The following USP18 variants were observed in gnomAD, a reference collection of about 807,000 sequenced individuals.
USP18 encodes ubiquitin specific peptidase 18, also known as ubl carboxyl-terminal hydrolase 18.
Under a neutral mutation model 48.7 loss-of-function variants are expected in USP18, and 11 were observed. The observed-to-expected ratio is 0.23, with a 90% CI of 0.14 to 0.37. The LOEUF is 0.37. USP18 is among the 10% of genes least tolerant of loss of function. The probability of loss-of-function intolerance (pLI) is 1.00; values close to 1 mark genes in which losing one functional copy is unlikely to be tolerated. For synonymous variants in USP18, 114 were observed against 163.2 expected, an observed-to-expected ratio of 0.70 and a Z score of 2.30; for missense variants, 285 against 436.4, an observed-to-expected ratio of 0.65 and a Z score of 3.09.
At chr22:18,161,162 C>A (rs1486300186) in intron 3 of USP18, among the ~76,000 whole-genome samples, 7 of 151,562 alleles carry the variant, frequency 4.6e-5, no homozygotes, top group Non-Finnish European at 1.0e-4. Flanking sequence ...AGAGTTGGGA[C>A]TAGACCAAAG....
intron 3 of USP18, among the ~76,000 whole-genome samples, chr22:18,161,336 C>G (rs1285083620): frequency 6.8e-5 from 8 of 117,254 alleles, no homozygotes; most frequent in Non-Finnish European, 1.0e-4. Flanking sequence ...CATTGCCAAA[C>G]CACACGGACA....
chr22:18,163,515 C>T (rs1288091546), intron 4 of USP18, among the ~76,000 whole-genome samples: 4 of 151,776 alleles, frequency 2.6e-5, no homozygotes, highest in South Asian at 2.1e-4. Flanking sequence ...TGGTGGCGGG[C>T]GCCTGTAGTC....
chr22:18,151,849 G>A (rs763957137), intron 1 of USP18, among the ~76,000 whole-genome samples: 18 of 152,278 alleles, frequency 1.2e-4, no homozygotes, highest in Non-Finnish European at 2.2e-4. Context: ...GAGGTCAGGA[G>A]ATCAAGACCA....
At chr22:18,160,332 G>A in intron 3 of USP18, 64 bp downstream of exon 3, 1 of 1,588,086 alleles carries the variant, frequency 6.3e-7, no homozygotes, top group Non-Finnish European at 8.6e-7. Flanking sequence ...TTGAGATGGA[G>A]TCTTGCTCTG....
At chr22:18,155,558 G>C (rs192023452) in intron 1 of USP18, among the ~76,000 whole-genome samples, 1 of 152,204 alleles carries the variant, frequency 6.6e-6, no homozygotes, top group Non-Finnish European at 1.5e-5. Context: ...GGCTGCACGC[G>C]GTGCTTGTGG....
At position 18,159,898 on chromosome 22, in the gene USP18, C is replaced by T. The variant is rs1301073045; in HGVS notation, c.158-274C>T. On this transcript the variant is annotated intron_variant, in intron 2 of 10. Transcript: ENST00000215794. ...TTCACCGTGTTAGCCAGGATGGTCT[C>T]GATCTCCTGACCTCGTGATCTGCCC... Among the ~76,000 whole-genome samples, 6 of 152,020 alleles carry T rather than the reference C, an allele frequency of 3.9e-5. No homozygotes were observed. In the South Asian group the frequency reaches 1.0e-3, roughly 26 times the overall value.
chr22:18,150,814 T>C (rs370117038), intron 1 of USP18, among the ~76,000 whole-genome samples: 1 of 152,156 alleles, frequency 6.6e-6, no homozygotes, highest in African/African-American at 2.4e-5. Context: ...TAGCCTGGCG[T>C]GGTGGCGCAT....
At chr22:18,156,779 C>A (rs1244706718) in intron 1 of USP18, among the ~76,000 whole-genome samples, 1 of 152,254 alleles carries the variant, frequency 6.6e-6, no homozygotes, top group African/African-American at 2.4e-5. Context: ...AAACTGCGGA[C>A]ATGCCCCCTT....
At chr22:18,162,836 C>A (rs1929366186) in intron 4 of USP18, among the ~76,000 whole-genome samples, 2 of 152,174 alleles carry the variant, frequency 1.3e-5, no homozygotes, top group South Asian at 4.2e-4. Context: ...TGTTGATCTG[C>A]AACTCGTGAC....
chr22:18,167,915 C>T lies in USP18; in HGVS notation c.506C>T (p.Thr169Met), dbSNP rs3180408. The change falls in exon 6 of 11, where the codon ACG (threonine) becomes ATG (methionine). Residue 169 changes from threonine to methionine, a missense_variant. Coordinates refer to ENST00000215794, the MANE Select transcript of USP18 (RefSeq NM_017414.4). ...HLVERLQALY[T>M]IRVKDSLICV... ...GTGGAGAGACTGCAGGCCCTGTATA[C>T]GATCCGGGTGAAGGACTCCTTGATT... 0.33 allele frequency: 537,277 copies of T among 1,612,966 alleles called. 91,041 individuals are homozygous for T. Among genetic ancestry groups the T allele is most frequent in the African/African-American group, 0.39 (28,971 of 74,678 alleles).
chr22:18,172,385 C>T (rs1374480818), intron 8 of USP18, among the ~76,000 whole-genome samples: 1 of 152,186 alleles, frequency 6.6e-6, no homozygotes, highest in Non-Finnish European at 1.5e-5. Context: ...TCCTTAATAG[C>T]ATCAAATATC....
chr22:18,173,433 G>C (rs1013336091), intron 9 of USP18, 152 bp downstream of exon 9: 2 of 1,156,586 alleles, frequency 1.7e-6, no homozygotes, highest in Non-Finnish European at 1.2e-6. Context: ...AGCCTTTTTC[G>C]GTCTGAAGTC....
chr22:18,175,134 C>T (rs1445041017), intron 10 of USP18, among the ~76,000 whole-genome samples: 11 of 152,244 alleles, frequency 7.2e-5, no homozygotes, highest in African/African-American at 2.4e-4. Context: ...AGGATGGTCT[C>T]GATCTCCTGA....
intron 1 of USP18, among the ~76,000 whole-genome samples, chr22:18,153,429 CAA>C (rs773524805): frequency 1.6e-5 from 2 of 126,358 alleles, no homozygotes. Flanking sequence ...AATTCCATCT[CAA>C]AAAAAAAAAA....
intron 5 of USP18, among the ~76,000 whole-genome samples, chr22:18,167,558 C>T (rs552088131): frequency 1.2e-3 from 175 of 152,008 alleles, no homozygotes; most frequent in African/African-American, 4.1e-3. Context: ...ATTAGCTGGG[C>T]GTGGTGGCGG....
At chr22:18,166,121 G>A (rs1437314891) in intron 4 of USP18, among the ~76,000 whole-genome samples, 1 of 152,188 alleles carries the variant, frequency 6.6e-6, no homozygotes, top group African/African-American at 2.4e-5. Flanking sequence ...TAGGTACTGT[G>A]TTCAGCTTTC....
intron 1 of USP18, among the ~76,000 whole-genome samples, chr22:18,152,702 C>T (rs192751613): frequency 4.0e-4 from 61 of 152,182 alleles, no homozygotes; most frequent in Admixed American, 2.9e-3. Flanking sequence ...TCGCCTTGCC[C>T]TCCCCATCCT....
intron 2 of USP18, 138 bp downstream of exon 2, chr22:18,157,958 G>T (rs1929217819): frequency 8.0e-7 from 1 of 1,257,738 alleles, no homozygotes; most frequent in Non-Finnish European, 1.1e-6. Context: ...TTTTAGATGG[G>T]GATACAGCCT....
chr22:18,158,796 A>T (rs967461650), intron 2 of USP18, among the ~76,000 whole-genome samples: 2 of 151,940 alleles, frequency 1.3e-5, no homozygotes, highest in Non-Finnish European at 2.9e-5. Flanking sequence ...CTGGGCAGAG[A>T]CCTCTCCGCT....
Sources: gnomAD v4.1 joint callset for allele counts (sites outside exome capture counted in the v4.1 genomes callset) on GRCh38, gnomAD v4.1.1 for gene constraint, MANE v1.5 for transcripts, NCBI Gene and HGNC (gene_info 2026-07-23, HGNC 2026-07-21) for gene names.